TBPL1: variants seen among roughly 807,000 people sequenced by gnomAD.
The protein encoded by TBPL1 is TATA box-binding protein-like 1.
In TBPL1, 4 loss-of-function variants were observed where a neutral mutation model predicts 22.1. The observed-to-expected ratio is 0.18, with a 90% confidence interval of 0.09 to 0.41. The LOEUF (loss-of-function observed/expected upper bound fraction) is 0.41. TBPL1 is among the 10% of genes least tolerant of loss of function. The pLI is 1.00. For synonymous variants in TBPL1, 64 were observed against 71.0 expected (o/e 0.90, Z 0.50); for missense variants, 115 against 222.3 (o/e 0.52, Z 3.07).
At chr6:133,979,935 C>G in intron 1 of TBPL1, 147 bp from the exon 2 acceptor site, 1 of 591,002 alleles carries the variant, frequency 1.7e-6, no homozygotes, top group Non-Finnish European at 2.5e-6. Context: ...ACATGAGCCA[C>G]TGTGCCCGGC....
At chr6:133,968,805 G>A (rs1776167963) in intron 1 of TBPL1, 2 of 152,262 alleles carry the variant, frequency 1.3e-5, no homozygotes, top group Admixed American at 6.5e-5. Context: ...CAGTAGCTGG[G>A]ACTACAGGCG....
intron 1 of TBPL1, among the ~76,000 whole-genome samples, chr6:133,968,338 A>G (rs1048172281): frequency 4.6e-5 from 7 of 152,226 alleles, no homozygotes; most frequent in Admixed American, 4.6e-4. Context: ...TAAGAAATCT[A>G]TCCAAAATAA....
intron 1 of TBPL1, among the ~76,000 whole-genome samples, chr6:133,954,828 ACT>A (rs767384575): frequency 6.6e-6 from 1 of 151,938 alleles, no homozygotes; most frequent in Non-Finnish European, 1.5e-5. Flanking sequence ...AGTATCAGAA[ACT>A]CTAGTGACCT....
At chr6:133,982,374 A>C (rs1776431452) in intron 2 of TBPL1, among the ~76,000 whole-genome samples, 194 bp from the exon 3 acceptor site, 1 of 152,218 alleles carries the variant, frequency 6.6e-6, no homozygotes, top group Non-Finnish European at 1.5e-5. Context: ...TTAATTAATC[A>C]AATGTCTTTT....
At chr6:133,953,193 C>G (rs1190701951), upstream of TBPL1, 1 of 152,710 alleles carries the variant, frequency 6.5e-6, no homozygotes, top group Non-Finnish European at 1.5e-5. Flanking sequence ...AGCGTCTAGT[C>G]TATTTATTGT....
In TBPL1 at chr6:133,981,196, C is replaced by T. The variant is rs1004307511; in HGVS notation, c.135+936C>T. On this transcript the variant is annotated intron_variant, in intron 2 of 6. Coordinates refer to ENST00000237264, the MANE Select transcript of TBPL1 (RefSeq NM_004865.4). ...CCGTGTTGGCCAGGATGGTCTCAAT[C>T]TCTTGACCTTGTGATCCACCCACCT... Among the ~76,000 whole-genome samples the T allele has an allele frequency of 6.6e-5, 10 of 152,144 alleles. 1 individual carries two copies. The highest frequency in any genetic ancestry group is 2.4e-4 in the African/African-American group (10 of 41,420).
intron 1 of TBPL1, among the ~76,000 whole-genome samples, chr6:133,958,275 A>G (rs890442585): frequency 1.3e-5 from 2 of 152,240 alleles, no homozygotes; most frequent in Admixed American, 6.5e-5. Flanking sequence ...GGCTTTCGTT[A>G]GAAGGCACTA....
chr6:133,982,600 T>G lies in TBPL1; in HGVS notation c.168T>G (p.Ile56Met). Residue 56 changes from isoleucine (I) to methionine (M), a missense_variant, in exon 3 of 7, where the codon ATT becomes ATG. By Grantham distance (10) the Ile-to-Met change is conservative. Coordinates refer to ENST00000237264, the MANE Select transcript of TBPL1 (RefSeq NM_004865.4). ...KVLMKLRKPR[I>M]TATIWSSGKI... is the part of the protein sequence containing the mutation. ...TAATGAAGCTTAGAAAACCTAGAAT[T>G]ACAGCTACAATTTGGTCCTCAGGAA... 6.2e-7 allele frequency: 1 copy of G among 1,613,554 alleles called. No individual in the cohort carries two copies. The highest frequency in any genetic ancestry group is 8.5e-7 in the Non-Finnish European group (1 of 1,179,796).
At chr6:133,979,687 C>T (rs571413895) in intron 1 of TBPL1, among the ~76,000 whole-genome samples, 16 of 152,272 alleles carry the variant, frequency 1.1e-4, no homozygotes, top group African/African-American at 3.9e-4. Flanking sequence ...CACTCTGTCT[C>T]ACAGGCTGGA....
chr6:133,966,217 A>G (rs1776116557), intron 1 of TBPL1, among the ~76,000 whole-genome samples: 2 of 152,200 alleles, frequency 1.3e-5, no homozygotes, highest in Non-Finnish European at 2.9e-5. Flanking sequence ...CGCATTGGGA[A>G]CTACGCCAAG....
At chr6:133,965,054 T>G (rs1159383495) in intron 1 of TBPL1, among the ~76,000 whole-genome samples, 2 of 152,222 alleles carry the variant, frequency 1.3e-5, no homozygotes, top group Non-Finnish European at 2.9e-5. Context: ...GCATGCCAAT[T>G]CTGACACCAA....
chr6:133,985,298 ATATATATATATAT>A (rs1342903054), intron 6 of TBPL1, among the ~76,000 whole-genome samples: 1,405 of 31,108 alleles, frequency 0.045, 387 homozygotes, highest in Non-Finnish European at 0.059. Context: ...AAAAAAAAAA[ATATATATATATAT>A]ATATATATAT....
chr6:133,982,906 C>G (rs766878233), intron 4 of TBPL1, 26 bp downstream of exon 4: 34 of 1,579,124 alleles, frequency 2.2e-5, no homozygotes, highest in Non-Finnish European at 2.9e-5. Flanking sequence ...AGTATCTAAA[C>G]TACAAATATT....
chr6:133,976,387 C>T (rs1776312839), intron 1 of TBPL1, among the ~76,000 whole-genome samples: 1 of 152,142 alleles, frequency 6.6e-6, no homozygotes, highest in African/African-American at 2.4e-5. Flanking sequence ...AAGAGTCTTT[C>T]ACCTCAAGAA....
At chr6:133,975,092 C>A (rs1776290869) in intron 1 of TBPL1, among the ~76,000 whole-genome samples, 1 of 151,882 alleles carries the variant, frequency 6.6e-6, no homozygotes, top group African/African-American at 2.4e-5. Flanking sequence ...AGGAAGGAAA[C>A]AATGGACATG....
chr6:133,954,304 TA>T (rs757940262), intron 1 of TBPL1, among the ~76,000 whole-genome samples: 33 of 152,208 alleles, frequency 2.2e-4, no homozygotes, highest in Non-Finnish European at 4.3e-4. Flanking sequence ...AACTGTGACT[TA>T]AGAAAAGGGA....
At chr6:133,969,315 T>C (rs1776177773) in intron 1 of TBPL1, among the ~76,000 whole-genome samples, 1 of 150,902 alleles carries the variant, frequency 6.6e-6, no homozygotes, top group Non-Finnish European at 1.5e-5. Flanking sequence ...TTGACTAATT[T>C]CCATTAAAAA....
At position 133,980,094 on chromosome 6, in the gene TBPL1, G is replaced by T. The variant is rs371353055; in HGVS notation, c.-32G>T. 6 of 1,452,538 alleles carry T rather than the reference G, an allele frequency of 4.1e-6. No homozygotes were observed. Among genetic ancestry groups the T allele is most frequent in the South Asian group, 1.6e-5 (1 of 61,986 alleles). 90.0% of individuals were successfully genotyped at this position (1,452,538 alleles called of 1,614,324 possible). A position where few individuals can be genotyped will look rare whatever the true frequency, so the allele number is the denominator to read the frequency against. ...TTTTATTTCTCAGGATGTGATCTTC[G>T]TGGTGGAAAGCTAAATTTTAAAACC... On this transcript the variant is annotated 5_prime_UTR_variant, in exon 2 of 7. Coordinates refer to ENST00000237264, the MANE Select transcript of TBPL1 (RefSeq NM_004865.4).
intron 1 of TBPL1, among the ~76,000 whole-genome samples, chr6:133,964,397 C>G (rs78587929): frequency 6.0e-5 from 9 of 150,380 alleles, no homozygotes; most frequent in Admixed American, 1.3e-4. Context: ...TTTTTTAAAC[C>G]AGAAATGTTT....
Sources: gnomAD v4.1 joint callset for allele counts (sites outside exome capture counted in the v4.1 genomes callset) on GRCh38, gnomAD v4.1.1 for gene constraint, MANE v1.5 for transcripts, NCBI Gene and HGNC (gene_info 2026-07-23, HGNC 2026-07-21) for gene names.